The following TANK variants were observed in gnomAD, a reference collection of about 807,000 sequenced individuals.
The protein encoded by TANK is TRAF family member-associated NF-kappa-B activator.
TANK carries 15 observed loss-of-function variants against 43.6 expected under a neutral mutation model. The ratio of observed to expected loss-of-function variants is 0.34; its 90% CI spans 0.23 to 0.53. TANK has a LOEUF of 0.53. Ranked by LOEUF, TANK falls within the 20% of genes least tolerant of loss-of-function variation. TANK has a pLI of 0.94. For synonymous variants in TANK, 162 were observed against 178.2 expected, an observed-to-expected ratio of 0.91 and a Z score of 0.73; for missense variants, 417 against 498.6, an observed-to-expected ratio of 0.84 and a Z score of 1.56.
chr2:161,235,391 G>A lies in TANK; in HGVS notation c.1151G>A (p.Ser384Asn). The A allele has an allele frequency of 6.2e-7, 1 of 1,613,116 alleles. No individual in the cohort carries two copies. Among genetic ancestry groups the A allele is most frequent in the East Asian group, 2.2e-5 (1 of 44,794 alleles). Reference protein sequence around the residue: ...PNQDSDSVVLSGTDSELHIPR... With the variant: ...PNQDSDSVVLNGTDSELHIPR... ...CAAGACAGTGACTCGGTGGTACTAA[G>A]TGGCACAGACTCAGAACTGCATATA... The change falls in exon 8 of 8, where the codon AGT becomes AAT. Residue 384 changes from serine (S) to asparagine (N), a missense_variant. Ser to Asn is a conservative substitution (Grantham distance 46). Coordinates refer to ENST00000392749, the MANE Select transcript of TANK (RefSeq NM_001199135.3).
intron 2 of TANK, among the ~76,000 whole-genome samples, chr2:161,200,755 G>C (rs1686369219): frequency 6.7e-6 from 1 of 149,788 alleles, no homozygotes; most frequent in South Asian, 2.1e-4. Flanking sequence ...CATTCCTTCA[G>C]ATCATTTCTG....
chr2:161,216,460 A>G (rs1288316469), intron 4 of TANK: 1 of 458,720 alleles, frequency 2.2e-6, no homozygotes, highest in Non-Finnish European at 4.5e-6. Context: ...TAAAGTGATA[A>G]TTTTTTGATA....
chr2:161,150,962 T>C (rs1355315743), intron 1 of TANK, among the ~76,000 whole-genome samples: 2 of 152,244 alleles, frequency 1.3e-5, no homozygotes, highest in African/African-American at 4.8e-5. Flanking sequence ...CTGCATCCCA[T>C]ATATTTTGAT....
intron 6 of TANK, among the ~76,000 whole-genome samples, chr2:161,229,818 C>T (rs1687817913): frequency 6.6e-6 from 1 of 152,188 alleles, no homozygotes; most frequent in Non-Finnish European, 1.5e-5. Context: ...TTCAACAGTG[C>T]TGATGACAAT....
chr2:161,141,725 T>G (rs750142078), intron 1 of TANK, among the ~76,000 whole-genome samples: 7 of 152,228 alleles, frequency 4.6e-5, no homozygotes, highest in Admixed American at 1.3e-4. Context: ...TTATCCTGTC[T>G]ATCACTGATG....
At chr2:161,167,104 C>A (rs1420194406) in intron 1 of TANK, among the ~76,000 whole-genome samples, 1 of 152,228 alleles carries the variant, frequency 6.6e-6, no homozygotes, top group Non-Finnish European at 1.5e-5. Context: ...TGGGGAAACC[C>A]AGCAGAGGGG....
chr2:161,198,197 G>A (rs1353386144), intron 2 of TANK, among the ~76,000 whole-genome samples: 2 of 152,166 alleles, frequency 1.3e-5, no homozygotes, highest in East Asian at 3.9e-4. Context: ...GGAGCAACAG[G>A]AAAGAACAAA....
chr2:161,235,019 GTAT>G (rs1329122770), intron 7 of TANK, among the ~76,000 whole-genome samples: 1 of 151,534 alleles, frequency 6.6e-6, no homozygotes, highest in East Asian at 1.9e-4. Flanking sequence ...AAAGACCAGA[GTAT>G]TAGCTATTGT....
At chr2:161,221,276 T>C (rs1687327373) in intron 4 of TANK, among the ~76,000 whole-genome samples, 1 of 152,204 alleles carries the variant, frequency 6.6e-6, no homozygotes, top group African/African-American at 2.4e-5. Context: ...AATTCATTTT[T>C]TGAATGATTT....
intron 1 of TANK, among the ~76,000 whole-genome samples, chr2:161,146,054 T>C (rs1403566561): frequency 6.6e-6 from 1 of 152,202 alleles, no homozygotes; most frequent in Non-Finnish European, 1.5e-5. Context: ...CTTGTCTTCA[T>C]GCCTGATTTC....
chr2:161,215,435 TTAATC>T (rs893014057), intron 4 of TANK, among the ~76,000 whole-genome samples: 21 of 152,282 alleles, frequency 1.4e-4, no homozygotes, highest in African/African-American at 4.8e-4. Context: ...TGCTTGTAAA[TTAATC>T]TATATTAAGT....
intron 2 of TANK, among the ~76,000 whole-genome samples, chr2:161,191,590 A>T (rs1472206314): frequency 1.3e-5 from 2 of 152,192 alleles, no homozygotes; most frequent in Admixed American, 6.5e-5. Context: ...AGTGAGAGAG[A>T]TGAAGTAACT....
At chr2:161,191,180 G>C (rs1038232214) in intron 2 of TANK, among the ~76,000 whole-genome samples, 1 of 152,288 alleles carries the variant, frequency 6.6e-6, no homozygotes, top group African/African-American at 2.4e-5. Context: ...TTCTGTTCAG[G>C]AAAGACATCT....
chr2:161,212,858 C>A, intron 4 of TANK: 1 of 785,636 alleles, frequency 1.3e-6, no homozygotes, highest in Non-Finnish European at 1.5e-6. Context: ...TAAAGGAATA[C>A]CTGAGGCTGG....
intron 7 of TANK, among the ~76,000 whole-genome samples, chr2:161,234,526 T>TA (rs1224969558): frequency 2.6e-5 from 4 of 152,086 alleles, no homozygotes; most frequent in East Asian, 1.9e-4. Context: ...TCTAGAAATT[T>TA]AAAAAAAAGA....
chr2:161,214,153 G>T (rs928452588), intron 4 of TANK, among the ~76,000 whole-genome samples: 1 of 152,158 alleles, frequency 6.6e-6, no homozygotes, highest in South Asian at 2.1e-4. Flanking sequence ...TCACTTGAAA[G>T]CTCAAATTTT....
intron 1 of TANK, among the ~76,000 whole-genome samples, chr2:161,142,964 T>A (rs1683795336): frequency 6.6e-6 from 1 of 152,192 alleles, no homozygotes; most frequent in African/African-American, 2.4e-5. Flanking sequence ...GAGCATGGAA[T>A]GTTTTTCCAT....
At chr2:161,207,260 A>G (rs1304625145) in intron 4 of TANK, 2 of 301,216 alleles carry the variant, frequency 6.6e-6, no homozygotes, top group Non-Finnish European at 9.8e-6. Flanking sequence ...TATTACATCA[A>G]TTATAACTAT....
intron 3 of TANK, 22 bp downstream of exon 3, chr2:161,203,617 A>G: frequency 6.7e-7 from 1 of 1,498,336 alleles, no homozygotes. Flanking sequence ...TTAATTTTTT[A>G]TGTATTTCTA....
Sources: gnomAD v4.1 joint callset for allele counts (sites outside exome capture counted in the v4.1 genomes callset) on GRCh38, gnomAD v4.1.1 for gene constraint, MANE v1.5 for transcripts, NCBI Gene and HGNC (gene_info 2026-07-23, HGNC 2026-07-21) for gene names.